SENP6: variants seen among roughly 807,000 people sequenced by gnomAD.
SENP6 encodes SUMO specific peptidase 6, also known as sentrin-specific protease 6.
Under a neutral mutation model 134.5 loss-of-function variants are expected in SENP6, and 41 were observed. The ratio of observed to expected loss-of-function variants is 0.30; its 90% confidence interval spans 0.24 to 0.40. The LOEUF (loss-of-function observed/expected upper bound fraction) is 0.40. SENP6 is among the 10% of genes least tolerant of loss of function. The pLI, the probability that SENP6 is intolerant of heterozygous loss-of-function variation, is 1.00. For synonymous variants in SENP6, 395 were observed against 429.8 expected (o/e 0.92, Z 1.00); for missense variants, 1,248 against 1,312.5 (o/e 0.95, Z 0.76).
intron 17 of SENP6, among the ~76,000 whole-genome samples, chr6:75,696,127 T>C (rs1220132688): frequency 1.3e-5 from 2 of 152,308 alleles, no homozygotes; most frequent in East Asian, 3.9e-4. Context: ...TAAACTAACT[T>C]TGTGCTAGTT....
chr6:75,675,470 TA>T lies in SENP6; in HGVS notation c.1426+4del. The T allele has an allele frequency of 6.9e-7, 1 of 1,442,598 alleles. No individual in the cohort carries two copies. The highest frequency in any genetic ancestry group is 9.5e-7 in the Non-Finnish European group (1 of 1,048,962). The allele number at this position is 1,442,598 out of a possible 1,614,324, so 89.4% of individuals were successfully genotyped here. A position where few individuals can be genotyped will look rare whatever the true frequency, so the allele number is the denominator to read the frequency against. On this transcript the variant is annotated splice_donor_region_variant and intron_variant, in intron 12 of 23. Transcript: ENST00000447266. ...ATTTTATCAAGATACAGCTAGACGG[TA>T]AGCTATTTTATGTCTTTTTACTTAC...
chr6:75,691,167 G>C (rs1774222380), intron 16 of SENP6, among the ~76,000 whole-genome samples: 1 of 147,880 alleles, frequency 6.8e-6, no homozygotes, highest in Non-Finnish European at 1.5e-5. Flanking sequence ...TTCAAAGACA[G>C]ATTCTTACTT....
intron 11 of SENP6, 77 bp from the exon 12 acceptor site, chr6:75,675,358 C>T: frequency 2.5e-6 from 2 of 808,836 alleles, no homozygotes; most frequent in South Asian, 1.6e-5. Context: ...AAGAAACATT[C>T]TAAGTATTTG....
rs77087071 is a variant in SENP6, at chr6:75,701,315, G to A, written c.2289-1330G>A. 6.9e-4 allele frequency among the ~76,000 whole-genome samples: 105 copies of A among 152,224 alleles called. 1 individual carries two copies. The East Asian group carries it at 0.019, about 27-fold the overall frequency. ...ATTAGCCAGGACTGTACAGCTTCTT[G>A]CTTGTGTCCTATACTCTACTGTTGG... is the stretch of plus-strand genomic sequence containing the variant. On this transcript the variant is annotated intron_variant, in intron 18 of 23. Transcript: ENST00000447266.
chr6:75,676,142 A>G, intron 13 of SENP6, 88 bp downstream of exon 13: 1 of 802,404 alleles, frequency 1.2e-6, no homozygotes, highest in South Asian at 2.2e-5. Flanking sequence ...GTGCACTTTG[A>G]CAGATGCCTT....
At chr6:75,639,079 A>G (rs1323795470) in intron 5 of SENP6, among the ~76,000 whole-genome samples, 1 of 151,964 alleles carries the variant, frequency 6.6e-6, no homozygotes, top group Non-Finnish European at 1.5e-5. Flanking sequence ...AGAGTACTAA[A>G]CTGTTCTTAT....
chr6:75,622,808 C>T (rs1192597690), intron 2 of SENP6: 5 of 1,288,900 alleles, frequency 3.9e-6, no homozygotes, highest in Non-Finnish European at 4.0e-6. Context: ...TATGTGCCTT[C>T]ACCGATGAGA....
At chr6:75,613,166 C>A (rs192852519) in intron 1 of SENP6, among the ~76,000 whole-genome samples, 167 of 151,624 alleles carry the variant, frequency 1.1e-3, no homozygotes, top group African/African-American at 3.8e-3. Context: ...TGTCCAGCTG[C>A]CTGTTTTTAA....
chr6:75,676,920 T>TAA, intron 13 of SENP6, 110 bp from the exon 14 acceptor site: 2 of 634,196 alleles, frequency 3.2e-6, no homozygotes, highest in East Asian at 5.5e-5. Context: ...TGGACCTTTA[T>TAA]ACTGGGATTT....
intron 3 of SENP6, among the ~76,000 whole-genome samples, chr6:75,624,363 T>C (rs1038332058): frequency 4.6e-5 from 7 of 152,208 alleles, no homozygotes; most frequent in Non-Finnish European, 1.0e-4. Flanking sequence ...TTAATTTTTT[T>C]CTAAAATAAT....
At chr6:75,707,820 C>G (rs780417699) in intron 19 of SENP6, among the ~76,000 whole-genome samples, 1 of 151,976 alleles carries the variant, frequency 6.6e-6, no homozygotes, top group Admixed American at 6.6e-5. Flanking sequence ...GTAACTGGGA[C>G]CACAGGTGCC....
intron 18 of SENP6, among the ~76,000 whole-genome samples, chr6:75,702,125 C>T: frequency 6.6e-6 from 1 of 151,528 alleles, no homozygotes; most frequent in African/African-American, 2.4e-5. Flanking sequence ...TTAATACAAA[C>T]TGTGTTATTT....
At chr6:75,644,428 G>A (rs1770270920) in intron 6 of SENP6, among the ~76,000 whole-genome samples, 2 of 151,290 alleles carry the variant, frequency 1.3e-5, no homozygotes, top group East Asian at 3.9e-4. Context: ...ATTGGATCCT[G>A]GAACAAAAAT....
At chr6:75,712,419 T>A (rs768379969) in intron 21 of SENP6, among the ~76,000 whole-genome samples, 56 of 152,092 alleles carry the variant, frequency 3.7e-4, no homozygotes, top group Non-Finnish European at 6.2e-4. Flanking sequence ...TGGGTCACAC[T>A]TTGTGCTAGC....
intron 16 of SENP6, among the ~76,000 whole-genome samples, chr6:75,694,081 AC>A (rs1358600037): frequency 1.3e-5 from 2 of 152,042 alleles, no homozygotes; most frequent in Non-Finnish European, 2.9e-5. Flanking sequence ...ACATGGAGAA[AC>A]CCCGTCTCTA....
chr6:75,702,527 C>A, intron 18 of SENP6, 118 bp from the exon 19 acceptor site: 2 of 1,002,412 alleles, frequency 2.0e-6, no homozygotes, highest in Non-Finnish European at 2.8e-6. Context: ...CAGAATTAGG[C>A]ATTTTTAATA....
intron 18 of SENP6, among the ~76,000 whole-genome samples, chr6:75,700,059 T>G (rs1327666141): frequency 6.6e-6 from 1 of 152,062 alleles, no homozygotes; most frequent in African/African-American, 2.4e-5. Context: ...TACAGGCGCA[T>G]GCCACAGGCC....
chr6:75,643,281 A>T (rs987052572), intron 6 of SENP6, among the ~76,000 whole-genome samples: 1 of 152,244 alleles, frequency 6.6e-6, no homozygotes, highest in African/African-American at 2.4e-5. Flanking sequence ...AGACATGCTG[A>T]TTTGATTAAA....
intron 19 of SENP6, among the ~76,000 whole-genome samples, chr6:75,705,520 G>A (rs1034267677): frequency 1.3e-5 from 2 of 151,790 alleles, no homozygotes; most frequent in Admixed American, 6.6e-5. Context: ...CTTCAGTCTG[G>A]GCAACAGAGC....
Sources: gnomAD v4.1 joint callset for allele counts (sites outside exome capture counted in the v4.1 genomes callset) on GRCh38, gnomAD v4.1.1 for gene constraint, MANE v1.5 for transcripts, NCBI Gene and HGNC (gene_info 2026-07-23, HGNC 2026-07-21) for gene names.